MRTFA: variants seen among roughly 807,000 people sequenced by gnomAD.
The protein encoded by MRTFA is myocardin related transcription factor A.
In MRTFA, 20 loss-of-function variants were observed where a neutral mutation model predicts 83.5. The observed-to-expected ratio is 0.24, with a 90% CI of 0.17 to 0.35. The LOEUF (loss-of-function observed/expected upper bound fraction) is 0.35. Among genes scored for constraint, MRTFA ranks in the 10% least tolerant of loss-of-function variants. The pLI is 1.00. For missense variants in MRTFA, 1,200 were observed against 1,224.7 expected, an observed-to-expected ratio of 0.98 and a Z score of 0.30; for synonymous variants, 659 against 541.2, an observed-to-expected ratio of 1.22 and a Z score of -3.02.
chr22:40,528,846 T>G (rs571668356), intron 3 of MRTFA, among the ~76,000 whole-genome samples: 11 of 152,298 alleles, frequency 7.2e-5, no homozygotes, highest in African/African-American at 2.6e-4. Flanking sequence ...AACACAAATT[T>G]GTAAACTTTC....
chr22:40,452,757 G>C (rs1032007938), intron 4 of MRTFA, among the ~76,000 whole-genome samples: 3 of 139,838 alleles, frequency 2.1e-5, no homozygotes, highest in African/African-American at 8.1e-5. Context: ...AGTGAGCCAA[G>C]ATTGCCCCAC....
chr22:40,618,126 G>A (rs1251447305), intron 1 of MRTFA, among the ~76,000 whole-genome samples: 2 of 151,594 alleles, frequency 1.3e-5, no homozygotes, highest in Admixed American at 1.3e-4. Flanking sequence ...CCAGGCTGGA[G>A]CACACTGGCA....
chr22:40,549,018 A>G lies in MRTFA; in HGVS notation c.241+3088T>C, dbSNP rs371489427. On this transcript the variant is annotated intron_variant, in intron 3 of 14. Coordinates refer to ENST00000355630, the MANE Select transcript of MRTFA (RefSeq NM_020831.6). ...TTGAAGAGATAAAACAAAGTAATGG[A>G]TAGGAAGACTCAATATTTAAAAATG... Among the ~76,000 whole-genome samples, 12 of 152,302 alleles carry G rather than the reference A, an allele frequency of 7.9e-5. No homozygotes were observed. The East Asian group carries it at 1.5e-3, about 20-fold the overall frequency.
rs2052805449 is a variant in MRTFA at position 40,420,435 on chromosome 22, T to C, written c.1323A>G (p.Gly441=). ...TGTCGTCCAGGTTGGCCGGCAGGGC[T>C]CCCGGCTTGCCAGTCAGTGAGGTGC... The change falls in exon 11 of 15, where the codon GGA becomes GGG. Residue 441 remains glycine (G), a synonymous_variant. Transcript: ENST00000355630. The C allele has an allele frequency of 6.2e-7, 1 of 1,613,656 alleles. No homozygotes were observed. The highest frequency in any genetic ancestry group is 2.2e-5 in the East Asian group (1 of 44,890).
chr22:40,567,248 A>C (rs1299037296), intron 2 of MRTFA, among the ~76,000 whole-genome samples: 1 of 152,200 alleles, frequency 6.6e-6, no homozygotes, highest in East Asian at 1.9e-4. Context: ...ACTTCATTAC[A>C]TTCCTTGAAC....
At chr22:40,560,901 T>C (rs565557342) in intron 2 of MRTFA, among the ~76,000 whole-genome samples, 5 of 152,306 alleles carry the variant, frequency 3.3e-5, no homozygotes, top group Admixed American at 3.3e-4. Context: ...TGGAAGAACG[T>C]AGACAGCTAC....
At chr22:40,629,550 T>G (rs887441775) in intron 1 of MRTFA, among the ~76,000 whole-genome samples, 2 of 150,940 alleles carry the variant, frequency 1.3e-5, no homozygotes, top group African/African-American at 4.9e-5. Context: ...TCGCCTGAGG[T>G]CAGGAGTTCG....
chr22:40,591,749 ATTAAGT>A (rs1247286713), intron 2 of MRTFA, among the ~76,000 whole-genome samples: 1 of 152,244 alleles, frequency 6.6e-6, no homozygotes, highest in African/African-American at 2.4e-5. Flanking sequence ...GAAAAATTAT[ATTAAGT>A]TTATCTCACT....
intron 3 of MRTFA, among the ~76,000 whole-genome samples, chr22:40,472,566 A>G (rs1786704628): frequency 6.6e-6 from 1 of 152,252 alleles, no homozygotes; most frequent in African/African-American, 2.4e-5. Context: ...TTAAGAATGA[A>G]TAACAAATAA....
At chr22:40,573,012 G>C (rs2055818288) in intron 2 of MRTFA, among the ~76,000 whole-genome samples, 1 of 152,112 alleles carries the variant, frequency 6.6e-6, no homozygotes, top group South Asian at 2.1e-4. Context: ...AAAGAAGCCA[G>C]ACACAAAAGA....
At chr22:40,631,320 T>G (rs1021956373) in intron 1 of MRTFA, among the ~76,000 whole-genome samples, 1 of 152,212 alleles carries the variant, frequency 6.6e-6, no homozygotes, top group African/African-American at 2.4e-5. Flanking sequence ...AAACCAATGA[T>G]GATCATAATA....
rs181468131 is a variant in MRTFA at position 40,445,803 on chromosome 22, C to G, written c.308-10249G>C. Among the ~76,000 whole-genome samples the G allele has an allele frequency of 4.1e-3, 618 of 152,322 alleles. 20 individuals are homozygous for G. The highest frequency in any genetic ancestry group is 0.037 in the Admixed American group (568 of 15,296). ...CACCTCGTGATCCACCTGCCTTGGCCTCCCAAATTGCTGGGATTACAGGCG... is the reference window on the plus strand; with the variant it reads ...CACCTCGTGATCCACCTGCCTTGGCGTCCCAAATTGCTGGGATTACAGGCG... On this transcript the variant is annotated intron_variant, in intron 4 of 14. Coordinates refer to ENST00000355630, the MANE Select transcript of MRTFA (RefSeq NM_020831.6).
At chr22:40,525,753 C>G (rs1427193690) in intron 3 of MRTFA, among the ~76,000 whole-genome samples, 1 of 151,998 alleles carries the variant, frequency 6.6e-6, no homozygotes, top group Non-Finnish European at 1.5e-5. Context: ...CATACTTAAC[C>G]TAAAAAATAT....
intron 2 of MRTFA, among the ~76,000 whole-genome samples, chr22:40,562,179 T>C (rs2055628931): frequency 6.7e-6 from 1 of 148,418 alleles, no homozygotes; most frequent in Non-Finnish European, 1.5e-5. Context: ...ATCGTGCCAC[T>C]GCACTCCAGC....
chr22:40,533,873 A>G (rs1255782326), intron 3 of MRTFA: 2 of 356,200 alleles, frequency 5.6e-6, no homozygotes, highest in African/African-American at 2.1e-5. Context: ...GTTAAGACAT[A>G]CTAAGTGTGG....
chr22:40,412,829 C>T (rs1289580649), intron 14 of MRTFA: 1 of 152,122 alleles, frequency 6.6e-6, no homozygotes, highest in Non-Finnish European at 1.5e-5. Flanking sequence ...CTGAACCATA[C>T]ACTTAAAAAT....
chr22:40,418,240 C>T, intron 12 of MRTFA, 134 bp downstream of exon 12: 2 of 1,465,050 alleles, frequency 1.4e-6, no homozygotes, highest in East Asian at 2.5e-5. Flanking sequence ...TCAGTACCCC[C>T]CTGGTGAAGG....
chr22:40,567,418 C>T (rs956089249), intron 2 of MRTFA, among the ~76,000 whole-genome samples: 11 of 152,136 alleles, frequency 7.2e-5, no homozygotes, highest in Non-Finnish European at 1.0e-4. Context: ...GAAGTCCACA[C>T]GCTACGTATA....
intron 3 of MRTFA, chr22:40,519,520 C>A: frequency 7.4e-7 from 1 of 1,350,440 alleles, no homozygotes; most frequent in Non-Finnish European, 9.8e-7. Flanking sequence ...ATTTTAACTC[C>A]AACCTCCTTG....
Sources: allele counts gnomAD v4.1 joint callset (sites outside exome capture counted in the v4.1 genomes callset), GRCh38; gene constraint gnomAD v4.1.1; transcripts MANE v1.5; gene names NCBI Gene and HGNC (gene_info 2026-07-23, HGNC 2026-07-21).